Variants in AXDND1 observed in about 807,000 individuals in gnomAD.
AXDND1 encodes the protein axonemal dynein light chain domain-containing protein 1.
A neutral mutation model predicts 137.5 loss-of-function variants in AXDND1; 110 were observed. The observed-to-expected ratio is 0.80, with a 90% confidence interval of 0.69 to 0.94. The LOEUF (loss-of-function observed/expected upper bound fraction) is 0.94. Ranked by LOEUF, AXDND1 falls within the 40% of genes least tolerant of loss-of-function variation. The pLI, the probability that AXDND1 is intolerant of heterozygous loss-of-function variation, is 0.00. For missense variants in AXDND1, 1,191 were observed against 1,169.8 expected, an observed-to-expected ratio of 1.02 and a Z score of -0.26; for synonymous variants, 414 against 399.7, an observed-to-expected ratio of 1.04 and a Z score of -0.43.
At chr1:179,383,196 T>A (rs1030416227) in intron 7 of AXDND1, among the ~76,000 whole-genome samples, 1 of 152,012 alleles carries the variant, frequency 6.6e-6, no homozygotes, top group Non-Finnish European at 1.5e-5. Context: ...TATATAGAAT[T>A]TTTTTTGGGG....
intron 21 of AXDND1, among the ~76,000 whole-genome samples, chr1:179,513,122 T>C (rs1669208707): frequency 6.6e-6 from 1 of 152,048 alleles, no homozygotes; most frequent in South Asian, 2.1e-4. Context: ...TGAGAGTGGG[T>C]AGGTATCCTT....
At chr1:179,392,417 A>G (rs553997890) in intron 9 of AXDND1, among the ~76,000 whole-genome samples, 1 of 152,322 alleles carries the variant, frequency 6.6e-6, no homozygotes, top group African/African-American at 2.4e-5. Context: ...GCAGTTGCAA[A>G]TTGTGCTACT....
chr1:179,481,443 T>C (rs1665366667), intron 17 of AXDND1, among the ~76,000 whole-genome samples: 1 of 152,220 alleles, frequency 6.6e-6, no homozygotes, highest in African/African-American at 2.4e-5. Flanking sequence ...GCAGTGAACA[T>C]ACGTGTGCAT....
At position 179,417,572 on chromosome 1, in the gene AXDND1, G is replaced by A. The variant is rs558238701; in HGVS notation, c.1230+6306G>A. Among the ~76,000 whole-genome samples the A allele has an allele frequency of 8.5e-5, 13 of 152,228 alleles. No individual in the cohort carries two copies. In the East Asian group the frequency reaches 2.5e-3, roughly 29 times the overall value. The stretch of plus-strand genomic sequence containing the variant: ...TAGTTTTATTGTTGCATTGGTCTGT[G>A]TGTCTGCTTTTATGCCATTACCATG... On this transcript the variant is annotated intron_variant, in intron 12 of 25. Coordinates refer to ENST00000367618, the MANE Select transcript of AXDND1 (RefSeq NM_144696.6).
intron 16 of AXDND1, chr1:179,456,742 C>T: frequency 2.5e-6 from 2 of 784,506 alleles, no homozygotes; most frequent in Non-Finnish European, 4.6e-6. Context: ...CCAAAGTTTC[C>T]AGAACTACTT....
At chr1:179,414,246 G>A (rs1213374433) in intron 12 of AXDND1, among the ~76,000 whole-genome samples, 1 of 151,608 alleles carries the variant, frequency 6.6e-6, no homozygotes, top group Non-Finnish European at 1.5e-5. Context: ...CATTAGAAAT[G>A]CAAAGAGGGA....
intron 20 of AXDND1, among the ~76,000 whole-genome samples, chr1:179,500,337 A>ATCTG (rs1051109914): frequency 3.7e-5 from 5 of 133,886 alleles, no homozygotes; most frequent in East Asian, 4.5e-4. Flanking sequence ...AGGGTACATT[A>ATCTG]TGTGTGTGTG....
Position 179,430,619 on chromosome 1 carries a change from G to T in AXDND1, c.1487+13G>T. 6.2e-7 allele frequency: 1 copy of T among 1,601,872 alleles called. No individual in the cohort carries two copies. The highest frequency in any genetic ancestry group is 8.5e-7 in the Non-Finnish European group (1 of 1,176,150). On this transcript the variant is annotated intron_variant, in intron 14 of 25. Coordinates refer to ENST00000367618, the MANE Select transcript of AXDND1 (RefSeq NM_144696.6). ...AGGAGTTCTTCAAGTGAGTCACCAA[G>T]AATCTTGTTTTTCTGATTATACTTA...
chr1:179,474,216 CAAA>C (rs66935956), intron 17 of AXDND1, among the ~76,000 whole-genome samples: 2 of 92,198 alleles, frequency 2.2e-5, no homozygotes, highest in Admixed American at 1.1e-4. Context: ...GACTCCACCT[CAAA>C]AAAAAAAAAA....
intron 16 of AXDND1, 55 bp from the exon 17 acceptor site, chr1:179,468,388 A>G: frequency 2.4e-6 from 3 of 1,247,650 alleles, no homozygotes; most frequent in Non-Finnish European, 3.4e-6. Flanking sequence ...ATTTGGTATT[A>G]AAATAGTAGT....
chr1:179,405,289 T>C (rs1465226072), intron 11 of AXDND1, among the ~76,000 whole-genome samples: 2 of 152,224 alleles, frequency 1.3e-5, no homozygotes, highest in Non-Finnish European at 2.9e-5. Context: ...CCATGGTGTA[T>C]ATGTGCCACA....
intron 19 of AXDND1, 140 bp downstream of exon 19, chr1:179,491,877 C>G: frequency 1.3e-6 from 1 of 752,930 alleles, no homozygotes; most frequent in South Asian, 2.7e-5. Flanking sequence ...CTAGCTTTAA[C>G]ACTGTGAGCA....
intron 20 of AXDND1, chr1:179,506,709 G>A (rs572516965): frequency 1.5e-4 from 37 of 242,850 alleles, no homozygotes; most frequent in South Asian, 4.5e-4. Context: ...TAGCCTGGGC[G>A]ACAGAGTAAG....
At chr1:179,419,367 C>G (rs1031856892) in intron 12 of AXDND1, among the ~76,000 whole-genome samples, 62 of 151,702 alleles carry the variant, frequency 4.1e-4, no homozygotes, top group African/African-American at 1.5e-3. Context: ...ATCCCGGCAC[C>G]TCGGGAGGCC....
intron 12 of AXDND1, among the ~76,000 whole-genome samples, chr1:179,419,484 T>C (rs55660715): frequency 0.45 from 64,666 of 142,682 alleles, 15,319 homozygotes; most frequent in East Asian, 0.75. Flanking sequence ...CGTGGCGGCG[T>C]GCGCCTGCAA....
intron 1 of AXDND1, 188 bp from the exon 2 acceptor site, chr1:179,366,216 C>T: frequency 4.8e-6 from 1 of 208,032 alleles, no homozygotes; most frequent in South Asian, 7.0e-5. Context: ...TCCTTCCTGC[C>T]CTGCTCCTTG....
chr1:179,410,188 C>G (rs1252507360), intron 11 of AXDND1, among the ~76,000 whole-genome samples: 2 of 152,090 alleles, frequency 1.3e-5, no homozygotes, highest in Non-Finnish European at 2.9e-5. Flanking sequence ...GGAAGTGTTT[C>G]AAAAGATTTG....
At chr1:179,420,079 G>A (rs1361166874) in intron 12 of AXDND1, among the ~76,000 whole-genome samples, 4 of 152,172 alleles carry the variant, frequency 2.6e-5, no homozygotes, top group African/African-American at 9.7e-5. Context: ...CTGTGGGTTT[G>A]CCATATATGG....
At chr1:179,525,240 C>T in intron 21 of AXDND1, 94 bp from the exon 22 acceptor site, 2 of 1,263,324 alleles carry the variant, frequency 1.6e-6, no homozygotes, top group East Asian at 2.8e-5. Flanking sequence ...AGCACAGTAC[C>T]CAGCTGCAGG....
Sources: gnomAD v4.1 joint callset for allele counts (sites outside exome capture counted in the v4.1 genomes callset) on GRCh38, gnomAD v4.1.1 for gene constraint, MANE v1.5 for transcripts, NCBI Gene and HGNC (gene_info 2026-07-23, HGNC 2026-07-21) for gene names.